Variants in RPS6KA5 observed in about 807,000 individuals in gnomAD.
RPS6KA5 encodes ribosomal protein S6 kinase A5.
In RPS6KA5, 27 loss-of-function variants were observed where a neutral mutation model predicts 85.5. The observed-to-expected ratio is 0.32, with a 90% CI of 0.23 to 0.44. The LOEUF (loss-of-function observed/expected upper bound fraction) is 0.44. Among genes scored for constraint, RPS6KA5 ranks in the 20% least tolerant of loss-of-function variants. RPS6KA5 has a pLI of 1.00. For missense variants in RPS6KA5, 811 were observed against 980.9 expected, an observed-to-expected ratio of 0.83 and a Z score of 2.31; for synonymous variants, 334 against 348.2, an observed-to-expected ratio of 0.96 and a Z score of 0.46.
intron 5 of RPS6KA5, among the ~76,000 whole-genome samples, chr14:90,938,749 C>G (rs1359982745): frequency 6.6e-6 from 1 of 152,204 alleles, no homozygotes; most frequent in Non-Finnish European, 1.5e-5. Context: ...AGCTGGGAAG[C>G]AGGGCACCAA....
rs572422384 is a variant in RPS6KA5 at position 90,978,160 on chromosome 14, T to C, written c.394+146A>G. The C allele has an allele frequency of 2.4e-4, 136 of 566,124 alleles. 1 individual carries two copies. In the East Asian group the frequency reaches 4.3e-3, roughly 18 times the overall value. The allele number at this position is 566,124 out of a possible 1,614,324, so 35.1% of individuals were successfully genotyped here. The stretch of plus-strand genomic sequence containing the variant: ...GCCTCAAATCCAGAGCAATGCATGA[T>C]ATTCCAGGAGATGCCACCACAAAGA... On this transcript the variant is annotated intron_variant, in intron 3 of 16. Transcript: ENST00000614987.
intron 14 of RPS6KA5, among the ~76,000 whole-genome samples, chr14:90,885,741 C>CAAAAAAAAAAAAA (rs11312699): frequency 0.013 from 376 of 27,914 alleles, 6 homozygotes; most frequent in Middle Eastern, 0.042. Flanking sequence ...GACTCCATCT[C>CAAAAAAAAAAAAA]AAAAAAAAAA....
chr14:91,046,482 G>C (rs1407946845), intron 1 of RPS6KA5, among the ~76,000 whole-genome samples: 1 of 152,184 alleles, frequency 6.6e-6, no homozygotes, highest in Non-Finnish European at 1.5e-5. Context: ...CTACCGCTAA[G>C]ACTCTGTTCA....
chr14:91,006,002 T>A (rs2041003924), intron 1 of RPS6KA5, among the ~76,000 whole-genome samples: 1 of 152,208 alleles, frequency 6.6e-6, no homozygotes, highest in East Asian at 1.9e-4. Flanking sequence ...CTGTCTTTCT[T>A]CACACTCAAA....
At position 90,951,174 on chromosome 14, in the gene RPS6KA5, C is replaced by A. The variant is rs912739840; in HGVS notation, c.395-3624G>T. 2.7e-5 allele frequency among the ~76,000 whole-genome samples: 4 copies of A among 147,024 alleles called. No homozygotes were observed. In the Admixed American group the frequency reaches 2.7e-4, roughly 10 times the overall value. ...GAGATAATGGTCTGTAGTTGATACA[C>A]CATACTTTCAATATAAACTTGTAGG... On this transcript the variant is annotated intron_variant, in intron 3 of 16. Coordinates refer to ENST00000614987, the MANE Select transcript of RPS6KA5 (RefSeq NM_004755.4).
chr14:90,902,814 C>T lies in RPS6KA5; in HGVS notation c.1113G>A (p.Leu371=). ...PAALPQSSEK[L]FQGYSFVAPS... ...GCACAGGATGGGAAATTACCTGAAA[C>T]AGCTTCTCAGAACTCTGGGGCAGGG... The change falls in exon 9 of 17, where the codon CTG becomes CTA. Residue 371 remains leucine (L), a synonymous_variant. Transcript: ENST00000614987. The T allele has an allele frequency of 1.2e-6, 2 of 1,613,482 alleles. No homozygotes were observed. Among genetic ancestry groups the T allele is most frequent in the Non-Finnish European group, 1.7e-6 (2 of 1,179,692 alleles).
In RPS6KA5 at chr14:91,057,608, A is replaced by G. The variant is rs536634084; in HGVS notation, c.103+2724T>C. Among the ~76,000 whole-genome samples, 72 of 152,344 alleles carry G rather than the reference A, an allele frequency of 4.7e-4. 1 individual carries two copies. Among genetic ancestry groups the G allele is most frequent in the Middle Eastern group, 3.4e-3 (1 of 294 alleles). On this transcript the variant is annotated intron_variant, in intron 1 of 16. Transcript: ENST00000614987. ...TTATGGCGAATTTACACTCTACATG[A>G]GAAGACTGGACATATACAGAAAAAG...
intron 3 of RPS6KA5, among the ~76,000 whole-genome samples, chr14:90,954,260 T>C (rs1473346380): frequency 1.3e-5 from 2 of 152,268 alleles, no homozygotes; most frequent in South Asian, 2.1e-4. Context: ...GGCATAATAC[T>C]GGCCTCATAA....
rs1360489117 is a variant in RPS6KA5, at chr14:90,900,179, A to G, written c.1308T>C (p.Ser436=). ...GCACACACTTTCGACAAATTGAAAAACTACCTTCTCCCAGGGGTTTGTCCT... is the reference window on the plus strand; with the variant it reads ...GCACACACTTTCGACAAATTGAAAAGCTACCTTCTCCCAGGGGTTTGTCCT... ...DLKDKPLGEG[S]FSICRKCVHK... The change falls in exon 11 of 17, where the codon AGT becomes AGC. Residue 436 remains serine (S), a synonymous_variant. Transcript: ENST00000614987. The G allele has an allele frequency of 1.2e-6, 2 of 1,606,260 alleles. No individual in the cohort carries two copies. The highest frequency in any genetic ancestry group is 1.7e-6 in the Non-Finnish European group (2 of 1,175,690).
intron 3 of RPS6KA5, among the ~76,000 whole-genome samples, chr14:90,956,962 CTGTTTT>C (rs1310203258): frequency 1.3e-3 from 95 of 73,696 alleles, no homozygotes; most frequent in African/African-American, 4.5e-3. Flanking sequence ...TACTGTTTTT[CTGTTTT>C]TTTTTTTTTT....
chr14:91,050,994 G>A (rs563637917), intron 1 of RPS6KA5, among the ~76,000 whole-genome samples: 1 of 152,164 alleles, frequency 6.6e-6, no homozygotes, highest in Non-Finnish European at 1.5e-5. Flanking sequence ...TTGGGAGGTC[G>A]AGGCAGGTGG....
chr14:91,053,677 G>A (rs7151013), intron 1 of RPS6KA5, among the ~76,000 whole-genome samples: 2,717 of 152,174 alleles, frequency 0.018, 62 homozygotes, highest in African/African-American at 0.063. Flanking sequence ...ACGGAAAAAC[G>A]TTGTTGAAAG....
intron 1 of RPS6KA5, among the ~76,000 whole-genome samples, chr14:91,011,758 C>T (rs557652537): frequency 5.3e-5 from 8 of 152,194 alleles, no homozygotes; most frequent in South Asian, 2.1e-4. Context: ...TATGAAAAGA[C>T]GAATAGCATA....
intron 1 of RPS6KA5, among the ~76,000 whole-genome samples, chr14:91,016,895 T>C (rs2041522881): frequency 1.3e-5 from 2 of 151,740 alleles, no homozygotes; most frequent in Admixed American, 6.6e-5. Flanking sequence ...CTGAAGGTAT[T>C]TGTATTCTCC....
intron 1 of RPS6KA5, among the ~76,000 whole-genome samples, chr14:91,013,940 C>T (rs2041369605): frequency 6.6e-6 from 1 of 152,212 alleles, no homozygotes; most frequent in African/African-American, 2.4e-5. Flanking sequence ...AAAGAGAAAA[C>T]ATTGGAAAGT....
At position 90,848,047 on chromosome 14, in the gene RPS6KA5, T is replaced by G. The variant is rs1034736853; in HGVS notation, c.*24027A>C. Reference sequence around the variant, plus strand: ...TCTACAATACATCTGCTTTTTTGATTCATGTGTGTTTTCAACACAGCTCAA... The same window carrying G: ...TCTACAATACATCTGCTTTTTTGATGCATGTGTGTTTTCAACACAGCTCAA... On this transcript the variant is annotated 3_prime_UTR_variant, in exon 17 of 17. Coordinates refer to ENST00000614987, the MANE Select transcript of RPS6KA5 (RefSeq NM_004755.4). 15 of 152,218 alleles carry G rather than the reference T, an allele frequency of 9.9e-5. No individual in the cohort carries two copies. The highest frequency in any genetic ancestry group is 3.6e-4 in the African/African-American group (15 of 41,446). The allele number at this position is 152,218 out of a possible 1,614,324, so 9.4% of individuals were successfully genotyped here.
At chr14:90,960,661 C>G (rs907771333) in intron 3 of RPS6KA5, among the ~76,000 whole-genome samples, 2 of 152,202 alleles carry the variant, frequency 1.3e-5, no homozygotes, top group African/African-American at 4.8e-5. Context: ...AATTTACGGT[C>G]CAATCTACCT....
intron 5 of RPS6KA5, among the ~76,000 whole-genome samples, chr14:90,930,408 A>G (rs922462008): frequency 8.5e-5 from 13 of 152,170 alleles, no homozygotes; most frequent in African/African-American, 3.1e-4. Flanking sequence ...TTTATACCCT[A>G]AATGTAAGAC....
Position 90,900,615 on chromosome 14 carries a change from A to T in RPS6KA5, c.1241T>A (p.Met414Lys). 6.2e-7 allele frequency: 1 copy of T among 1,613,452 alleles called. No individual in the cohort carries two copies. Among genetic ancestry groups the T allele is most frequent in the Non-Finnish European group, 8.5e-7 (1 of 1,179,754 alleles). ...TAAGTTACCACATCTATATACCTTCATCATTGCACTCCTGGCAACATTTGT... is the reference window on the plus strand; with the variant it reads ...TAAGTTACCACATCTATATACCTTCTTCATTGCACTCCTGGCAACATTTGT... ...GVTNVARSAM[M>K]KDSPFYQHYD... Residue 414 changes from methionine to lysine, a missense_variant, in exon 10 of 17, where the codon ATG becomes AAG. By Grantham distance (95) the Met-to-Lys change is moderately conservative (BLOSUM62 -1). Around this residue, in one of 3 missense-constraint regions of RPS6KA5, gnomAD observed 650 missense variants for 793.4 expected, o/e 0.82. Coordinates refer to ENST00000614987, the MANE Select transcript of RPS6KA5 (RefSeq NM_004755.4).
Sources: gnomAD v4.1 joint callset for allele counts (sites outside exome capture counted in the v4.1 genomes callset) on GRCh38, gnomAD v4.1.1 for gene constraint, gnomAD v4.1.1 regional missense constraint, MANE v1.5 for transcripts, NCBI Gene and HGNC (gene_info 2026-07-23, HGNC 2026-07-21) for gene names.